Variants in SHC4 observed in about 807,000 individuals in gnomAD.
SHC4 encodes the protein SHC-transforming protein 4.
In SHC4, 41 loss-of-function variants were observed where a neutral mutation model predicts 69.4. The ratio of observed to expected loss-of-function variants is 0.59; its 90% confidence interval spans 0.46 to 0.77. SHC4 has a LOEUF of 0.77. Ranked by LOEUF, SHC4 falls within the 30% of genes least tolerant of loss-of-function variation. The pLI is 0.00. For missense variants in SHC4, 777 were observed against 783.8 expected (o/e 0.99, Z 0.10); for synonymous variants, 318 against 299.3 (o/e 1.06, Z -0.64).
intron 4 of SHC4, among the ~76,000 whole-genome samples, chr15:48,881,898 G>A (rs1371259541): frequency 6.6e-6 from 1 of 151,914 alleles, no homozygotes; most frequent in East Asian, 1.9e-4. Flanking sequence ...TATTTTCTGG[G>A]AATGAATTGT....
intron 2 of SHC4, among the ~76,000 whole-genome samples, chr15:48,918,444 C>A (rs1294639320): frequency 6.6e-6 from 1 of 152,168 alleles, no homozygotes; most frequent in Non-Finnish European, 1.5e-5. Context: ...CTAATTTTTC[C>A]TTTTTTGTCA....
At chr15:48,834,647 A>G in intron 11 of SHC4, 122 bp downstream of exon 11, 1 of 1,396,700 alleles carries the variant, frequency 7.2e-7, no homozygotes. Context: ...TCCAGCTGGA[A>G]GGTTCCAGAA....
chr15:48,875,008 C>T (rs1364338494), intron 4 of SHC4, among the ~76,000 whole-genome samples: 1 of 152,180 alleles, frequency 6.6e-6, no homozygotes, highest in East Asian at 1.9e-4. Flanking sequence ...AAACAAACTT[C>T]ACTGGAGAGG....
chr15:48,916,795 A>T (rs12899991), intron 2 of SHC4, among the ~76,000 whole-genome samples: 127,520 of 152,128 alleles, frequency 0.84, 53,632 homozygotes, highest in Middle Eastern at 0.94. Flanking sequence ...TTAGTTGCCC[A>T]GTAAGCCTGG....
chr15:48,883,878 C>T (rs1292906087), intron 4 of SHC4, among the ~76,000 whole-genome samples: 1 of 152,156 alleles, frequency 6.6e-6, no homozygotes, highest in Non-Finnish European at 1.5e-5. Context: ...TCATCTGTAC[C>T]CTGGCCCAAC....
intron 4 of SHC4, chr15:48,878,542 C>T: frequency 6.2e-7 from 1 of 1,614,060 alleles, no homozygotes; most frequent in East Asian, 2.2e-5. Context: ...GTGCCGGCTA[C>T]AGAGTATCAG....
chr15:48,880,967 AATG>A (rs1052609650), intron 4 of SHC4, among the ~76,000 whole-genome samples: 24 of 144,794 alleles, frequency 1.7e-4, no homozygotes, highest in African/African-American at 4.4e-4. Flanking sequence ...GTGAGGACTA[AATG>A]ATGATGTGTG....
intron 2 of SHC4, among the ~76,000 whole-genome samples, chr15:48,908,032 G>T (rs1242864256): frequency 1.3e-5 from 2 of 152,088 alleles, no homozygotes; most frequent in Non-Finnish European, 2.9e-5. Context: ...GCTCAGAGAG[G>T]TAAGTGGCCA....
chr15:48,929,732 T>C (rs571650695), intron 1 of SHC4, among the ~76,000 whole-genome samples: 14 of 152,298 alleles, frequency 9.2e-5, no homozygotes, highest in African/African-American at 2.9e-4. Context: ...GGACACTCCC[T>C]AATTCCCCAC....
chr15:48,924,001 G>A (rs1364109175), intron 2 of SHC4, among the ~76,000 whole-genome samples: 2 of 151,946 alleles, frequency 1.3e-5, no homozygotes, highest in East Asian at 1.9e-4. Context: ...GGCTCCTTTC[G>A]CTACATTTTT....
At chr15:48,940,967 C>A (rs1185061441) in intron 1 of SHC4, among the ~76,000 whole-genome samples, 1 of 152,160 alleles carries the variant, frequency 6.6e-6, no homozygotes, top group African/African-American at 2.4e-5. Context: ...TTACATGAAA[C>A]ACAAGAGTTG....
At chr15:48,847,822 G>A (rs1440136678) in intron 9 of SHC4, among the ~76,000 whole-genome samples, 1 of 151,870 alleles carries the variant, frequency 6.6e-6, no homozygotes, top group Non-Finnish European at 1.5e-5. Flanking sequence ...GACCAACATG[G>A]AGAAACCCCG....
chr15:48,922,102 C>T (rs1900763188), intron 2 of SHC4, among the ~76,000 whole-genome samples: 1 of 152,232 alleles, frequency 6.6e-6, no homozygotes, highest in Non-Finnish European at 1.5e-5. Context: ...ACCTAAATCT[C>T]TATCCTCATT....
intron 2 of SHC4, among the ~76,000 whole-genome samples, chr15:48,907,192 A>G (rs1489711193): frequency 6.6e-6 from 1 of 151,766 alleles, no homozygotes; most frequent in Non-Finnish European, 1.5e-5. Context: ...GATAACGGTC[A>G]TGGTGATGTG....
intron 2 of SHC4, among the ~76,000 whole-genome samples, chr15:48,923,114 G>T (rs1037619051): frequency 6.6e-6 from 1 of 152,202 alleles, no homozygotes; most frequent in Admixed American, 6.5e-5. Context: ...AGGATAGACT[G>T]AGAGAGGTTT....
chr15:48,911,595 G>A (rs538528673), intron 2 of SHC4, among the ~76,000 whole-genome samples: 1 of 152,210 alleles, frequency 6.6e-6, no homozygotes, highest in South Asian at 2.1e-4. Context: ...GGTTTAGATT[G>A]AAGAGCATTC....
At chr15:48,832,465 TTC>T (rs1203339504) in intron 11 of SHC4, among the ~76,000 whole-genome samples, 1 of 152,174 alleles carries the variant, frequency 6.6e-6, no homozygotes, top group Admixed American at 6.5e-5. Context: ...GCTTTCAAAA[TTC>T]TCTGTTTTTG....
rs150717219 is a variant in SHC4, at chr15:48,940,731, C to T, written c.586-15782G>A. On this transcript the variant is annotated intron_variant, in intron 1 of 11. Transcript: ENST00000332408. ...CCATGTGGGCAAAGAACCTCATTGA[C>T]GTCATTCTCCCTCTATGTCACAGCA... Among the ~76,000 whole-genome samples, 12 of 152,250 alleles carry T rather than the reference C, an allele frequency of 7.9e-5. No individual in the cohort carries two copies. The East Asian group carries it at 9.6e-4, about 12-fold the overall frequency.
rs1180416173 is a variant in SHC4, at chr15:48,963,387, G to A, written c.-372C>T. ...GGCCCGCTGCATCACTAGCCTTGCA[G>A]GAGCCTAGTAGAAATATTTAGCACC... is the stretch of plus-strand genomic sequence containing the variant. On this transcript the variant is annotated 5_prime_UTR_variant, in exon 1 of 12. Transcript: ENST00000332408. The A allele has an allele frequency of 4.1e-6, 1 of 244,784 alleles. No homozygotes were observed. Among genetic ancestry groups the A allele is most frequent in the East Asian group, 8.8e-5 (1 of 11,302 alleles). 15.2% of individuals were successfully genotyped at this position (244,784 alleles called of 1,614,324 possible). A position where few individuals can be genotyped will look rare whatever the true frequency, so the allele number is the denominator to read the frequency against.
Sources: allele counts gnomAD v4.1 joint callset (sites outside exome capture counted in the v4.1 genomes callset), GRCh38; gene constraint gnomAD v4.1.1; transcripts MANE v1.5; gene names NCBI Gene and HGNC (gene_info 2026-07-23, HGNC 2026-07-21).